Variants in SNTB1 observed in about 807,000 individuals in gnomAD.
SNTB1 encodes the protein beta-1-syntrophin.
SNTB1 carries 36 observed loss-of-function variants against 48.9 expected under a neutral mutation model. The observed-to-expected ratio is 0.74, with a 90% CI of 0.56 to 0.97. The LOEUF (loss-of-function observed/expected upper bound fraction) is 0.97. Ranked by LOEUF, SNTB1 falls within the 50% of genes least tolerant of loss-of-function variation. The pLI, the probability that SNTB1 is intolerant of heterozygous loss-of-function variation, is 0.00. For synonymous variants in SNTB1, 299 were observed against 294.6 expected (o/e 1.01, Z -0.15); for missense variants, 786 against 703.4 (o/e 1.12, Z -1.33).
At chr8:120,740,893 C>A (rs1819030672) in intron 1 of SNTB1, among the ~76,000 whole-genome samples, 1 of 152,142 alleles carries the variant, frequency 6.6e-6, no homozygotes, top group African/African-American at 2.4e-5. Flanking sequence ...CACACAACCA[C>A]TAGGAAGTGG....
At chr8:120,685,913 C>T (rs1056545521) in intron 2 of SNTB1, among the ~76,000 whole-genome samples, 1 of 152,188 alleles carries the variant, frequency 6.6e-6, no homozygotes, top group Admixed American at 6.5e-5. Context: ...CTCCACAAAA[C>T]TCTAGGACAT....
At chr8:120,755,257 A>G (rs933300829) in intron 1 of SNTB1, among the ~76,000 whole-genome samples, 4 of 152,222 alleles carry the variant, frequency 2.6e-5, no homozygotes, top group Admixed American at 6.6e-5. Context: ...AAGGTAGGAC[A>G]ATATCCTGCC....
chr8:120,603,297 C>A (rs5019650), intron 3 of SNTB1, among the ~76,000 whole-genome samples: 142,698 of 152,020 alleles, frequency 0.94, 67,063 homozygotes, highest in Middle Eastern at 0.97. Flanking sequence ...ATGGGGTTTC[C>A]CCATATTGGT....
intron 1 of SNTB1, among the ~76,000 whole-genome samples, chr8:120,805,769 A>T (rs578062869): frequency 6.6e-6 from 1 of 152,252 alleles, no homozygotes; most frequent in Non-Finnish European, 1.5e-5. Flanking sequence ...CTGACAAATC[A>T]TTCCAACCTT....
intron 1 of SNTB1, among the ~76,000 whole-genome samples, chr8:120,791,601 A>C (rs952648432): frequency 6.6e-6 from 1 of 152,060 alleles, no homozygotes; most frequent in African/African-American, 2.4e-5. Context: ...ATCAAGAAAA[A>C]ATCCAAATAA....
At chr8:120,720,022 C>G (rs1490921373) in intron 1 of SNTB1, among the ~76,000 whole-genome samples, 2 of 152,216 alleles carry the variant, frequency 1.3e-5, no homozygotes, top group Non-Finnish European at 2.9e-5. Flanking sequence ...CTTCCAAATT[C>G]TCTTAAATGC....
At chr8:120,688,800 G>A (rs1190140236) in intron 2 of SNTB1, among the ~76,000 whole-genome samples, 2 of 152,170 alleles carry the variant, frequency 1.3e-5, no homozygotes, top group African/African-American at 4.8e-5. Context: ...ATGTAATACT[G>A]AGGAGTTTAG....
At chr8:120,609,646 C>A (rs1359913654) in intron 3 of SNTB1, among the ~76,000 whole-genome samples, 1 of 152,118 alleles carries the variant, frequency 6.6e-6, no homozygotes, top group Non-Finnish European at 1.5e-5. Flanking sequence ...ATAGTTTTTA[C>A]AATGAGTACA....
Position 120,584,438 on chromosome 8 carries a change from C to CAAAAAA in SNTB1, c.997-9219_997-9214dup, listed in dbSNP as rs11443743. Among the ~76,000 whole-genome samples, 115 of 57,036 alleles carry CAAAAAA rather than the reference C, an allele frequency of 2.0e-3. 14 individuals carry two copies. The highest frequency in any genetic ancestry group is 7.7e-3 in the African/African-American group (94 of 12,280). The allele number at this position is 57,036 out of a possible 152,430, so 37.4% of individuals were successfully genotyped here. On this transcript the variant is annotated intron_variant, in intron 3 of 6. Coordinates refer to ENST00000517992, the MANE Select transcript of SNTB1 (RefSeq NM_021021.4). ...TGGGTGACAGAGCGAAACTCCATCT[C>CAAAAAA]AAAAAAAAAAAAAAAAAAAAAAAGT...
At chr8:120,575,306 G>C in intron 3 of SNTB1, 81 bp from the exon 4 acceptor site, 1 of 1,527,790 alleles carries the variant, frequency 6.5e-7, no homozygotes, top group Non-Finnish European at 9.0e-7. Context: ...CCTAATCAGA[G>C]GACTCAGCAA....
At chr8:120,611,317 C>G (rs1318397395) in intron 3 of SNTB1, among the ~76,000 whole-genome samples, 3 of 150,928 alleles carry the variant, frequency 2.0e-5, no homozygotes, top group Non-Finnish European at 4.4e-5. Context: ...GGAGAAGAAG[C>G]AAAATCAAAA....
At chr8:120,558,863 A>G (rs1184593835) in intron 4 of SNTB1, among the ~76,000 whole-genome samples, 1 of 152,250 alleles carries the variant, frequency 6.6e-6, no homozygotes, top group Non-Finnish European at 1.5e-5. Flanking sequence ...TCATTAGAAC[A>G]TAAGTTTGAT....
chr8:120,696,735 G>A (rs1224420960), intron 1 of SNTB1, among the ~76,000 whole-genome samples: 1 of 152,186 alleles, frequency 6.6e-6, no homozygotes, highest in Non-Finnish European at 1.5e-5. Flanking sequence ...TAGTATTATT[G>A]TACACATCAG....
chr8:120,579,502 ACT>A (rs749989694), intron 3 of SNTB1, among the ~76,000 whole-genome samples: 2 of 152,088 alleles, frequency 1.3e-5, no homozygotes, highest in Admixed American at 6.5e-5. Flanking sequence ...CATGGTGGAA[ACT>A]CTGTCTCTAC....
At chr8:120,653,445 C>T (rs568588236) in intron 2 of SNTB1, among the ~76,000 whole-genome samples, 1 of 152,048 alleles carries the variant, frequency 6.6e-6, no homozygotes, top group Non-Finnish European at 1.5e-5. Flanking sequence ...TGGTTTCTCC[C>T]TGAAAACATC....
rs889101921 is a variant in SNTB1, at chr8:120,536,804, A to G, written c.*2073T>C. ...TCATATTTGTAATTATGATCATTTT[A>G]ATTTGTCTATAAATATATAATAGAA... On this transcript the variant is annotated 3_prime_UTR_variant, in exon 7 of 7. Transcript: ENST00000517992. 1.3e-5 allele frequency: 2 copies of G among 152,130 alleles called. No homozygotes were observed. The highest frequency in any genetic ancestry group is 2.9e-5 in the Non-Finnish European group (2 of 67,994). 9.4% of individuals were successfully genotyped at this position (152,130 alleles called of 1,614,324 possible).
Position 120,811,983 on chromosome 8 carries a change from C to T in SNTB1, c.-140G>A. ...GGTGGCGGCACGCGGGACTCCGCTC[C>T]GGGAGTTCGCAGACGCACTCGGCGG... On this transcript the variant is annotated 5_prime_UTR_variant, in exon 1 of 7. Coordinates refer to ENST00000517992, the MANE Select transcript of SNTB1 (RefSeq NM_021021.4). The T allele has an allele frequency of 7.9e-7, 1 of 1,269,830 alleles. No individual in the cohort carries two copies. Among genetic ancestry groups the T allele is most frequent in the Non-Finnish European group, 9.9e-7 (1 of 1,013,314 alleles). The allele number at this position is 1,269,830 out of a possible 1,614,324, so 78.7% of individuals were successfully genotyped here.
intron 4 of SNTB1, among the ~76,000 whole-genome samples, chr8:120,563,439 C>T (rs1815696907): frequency 6.6e-6 from 1 of 152,042 alleles, no homozygotes; most frequent in South Asian, 2.1e-4. Context: ...TAAACTGTAC[C>T]ACCAATGGAC....
At chr8:120,783,454 G>A (rs1819864052) in intron 1 of SNTB1, among the ~76,000 whole-genome samples, 1 of 151,798 alleles carries the variant, frequency 6.6e-6, no homozygotes, top group Non-Finnish European at 1.5e-5. Context: ...TTAATCATGA[G>A]ATGAAAAAAA....
Sources: allele counts gnomAD v4.1 joint callset (sites outside exome capture counted in the v4.1 genomes callset), GRCh38; gene constraint gnomAD v4.1.1; transcripts MANE v1.5; gene names NCBI Gene and HGNC (gene_info 2026-07-23, HGNC 2026-07-21).